Variants in SFMBT2 observed in about 807,000 individuals in gnomAD.
The protein encoded by SFMBT2 is Scm like with four mbt domains 2.
Under a neutral mutation model 110.1 loss-of-function variants are expected in SFMBT2, and 38 were observed. The ratio of observed to expected loss-of-function variants is 0.35; its 90% CI spans 0.27 to 0.45. The LOEUF (loss-of-function observed/expected upper bound fraction) is 0.45. Among genes scored for constraint, SFMBT2 ranks in the 20% least tolerant of loss-of-function variants. SFMBT2 has a pLI of 1.00. For synonymous variants in SFMBT2, 425 were observed against 425.4 expected, an observed-to-expected ratio of 1.00 and a Z score of 0.01; for missense variants, 1,011 against 1,094.9, an observed-to-expected ratio of 0.92 and a Z score of 1.08.
chr10:7,350,424 C>A (rs1351020589), intron 4 of SFMBT2, among the ~76,000 whole-genome samples: 3 of 152,196 alleles, frequency 2.0e-5, no homozygotes, highest in Admixed American at 1.3e-4. Flanking sequence ...AGCCACTCTT[C>A]CGGGCCAGCC....
chr10:7,234,497 G>A (rs1646006576), intron 9 of SFMBT2, among the ~76,000 whole-genome samples: 1 of 152,196 alleles, frequency 6.6e-6, no homozygotes, highest in Admixed American at 6.5e-5. Flanking sequence ...CCTGAAGAAT[G>A]AAGTGAATTT....
At chr10:7,213,824 A>G (rs1839439678) in intron 11 of SFMBT2, among the ~76,000 whole-genome samples, 1 of 152,040 alleles carries the variant, frequency 6.6e-6, no homozygotes, top group Non-Finnish European at 1.5e-5. Flanking sequence ...GTGTGATGCC[A>G]TGGGCATGGG....
intron 20 of SFMBT2, chr10:7,164,338 A>G: frequency 1.2e-6 from 1 of 820,118 alleles, no homozygotes; most frequent in South Asian, 5.5e-5. Context: ...GTGAGCTGTG[A>G]TCATACCACT....
chr10:7,385,949 C>T (rs760528806), intron 1 of SFMBT2, among the ~76,000 whole-genome samples: 1 of 151,936 alleles, frequency 6.6e-6, no homozygotes, highest in Non-Finnish European at 1.5e-5. Context: ...GCAGTGAGCC[C>T]AGATCGTGCC....
chr10:7,214,790 T>C, intron 11 of SFMBT2: 1 of 982,004 alleles, frequency 1.0e-6, no homozygotes, highest in Non-Finnish European at 1.2e-6. Flanking sequence ...TTATTTATTT[T>C]TCCCACCCAT....
At chr10:7,220,588 A>G in intron 10 of SFMBT2, 51 bp from the exon 11 acceptor site, 1 of 1,605,998 alleles carries the variant, frequency 6.2e-7, no homozygotes, top group Non-Finnish European at 8.5e-7. Context: ...CAGCAGGACA[A>G]AGCTGGGCAG....
intron 4 of SFMBT2, among the ~76,000 whole-genome samples, chr10:7,312,800 T>C (rs1178216825): frequency 1.3e-5 from 2 of 152,226 alleles, no homozygotes; most frequent in African/African-American, 2.4e-5. Flanking sequence ...CTTTAGTTAA[T>C]TATAAAGTGC....
intron 7 of SFMBT2, among the ~76,000 whole-genome samples, chr10:7,275,102 G>T (rs1841728476): frequency 1.3e-5 from 2 of 152,308 alleles, no homozygotes; most frequent in African/African-American, 4.8e-5. Context: ...GACCCGCACA[G>T]CTGTGAGGCC....
intron 15 of SFMBT2, among the ~76,000 whole-genome samples, chr10:7,193,483 C>T (rs991556748): frequency 3.9e-5 from 6 of 152,140 alleles, no homozygotes; most frequent in African/African-American, 1.4e-4. Flanking sequence ...GTGTGGAGTC[C>T]CTGTGAAGGC....
At chr10:7,191,768 C>A (rs914975526) in intron 15 of SFMBT2, among the ~76,000 whole-genome samples, 1 of 152,202 alleles carries the variant, frequency 6.6e-6, no homozygotes, top group East Asian at 1.9e-4. Flanking sequence ...GCAGATACAA[C>A]CATAACTGGC....
chr10:7,203,523 T>C (rs769074212), intron 12 of SFMBT2: 14 of 223,908 alleles, frequency 6.3e-5, no homozygotes, highest in African/African-American at 2.1e-4. Flanking sequence ...CTGTATATGA[T>C]TGTGCTCCAG....
chr10:7,391,935 C>A (rs1004719021), intron 1 of SFMBT2, among the ~76,000 whole-genome samples: 2 of 152,110 alleles, frequency 1.3e-5, no homozygotes, highest in Non-Finnish European at 2.9e-5. Flanking sequence ...TGAATAAGGT[C>A]ATGTATTTAC....
chr10:7,233,869 T>C (rs565535750), intron 9 of SFMBT2, among the ~76,000 whole-genome samples: 11 of 152,334 alleles, frequency 7.2e-5, no homozygotes, highest in African/African-American at 7.2e-5. Flanking sequence ...GGAGGCAAGA[T>C]TGCACAGACC....
At chr10:7,281,511 GC>G (rs1417442153) in intron 6 of SFMBT2, among the ~76,000 whole-genome samples, 2 of 152,076 alleles carry the variant, frequency 1.3e-5, no homozygotes, top group African/African-American at 4.8e-5. Flanking sequence ...TTTTATTCTC[GC>G]CTAGATTCCA....
chr10:7,189,379 T>C (rs924556778), intron 15 of SFMBT2, among the ~76,000 whole-genome samples: 1 of 151,900 alleles, frequency 6.6e-6, no homozygotes, highest in Non-Finnish European at 1.5e-5. Context: ...GTGTCTACCA[T>C]GGGGCTCAGA....
chr10:7,226,030 C>T (rs962883657), intron 10 of SFMBT2, among the ~76,000 whole-genome samples: 12 of 152,162 alleles, frequency 7.9e-5, no homozygotes, highest in Non-Finnish European at 1.5e-4. Flanking sequence ...GGCCCTGTCA[C>T]CTAAACACAC....
At chr10:7,249,889 A>G (rs1432894035) in intron 7 of SFMBT2, among the ~76,000 whole-genome samples, 1 of 152,212 alleles carries the variant, frequency 6.6e-6, no homozygotes, top group East Asian at 1.9e-4. Flanking sequence ...TGGGGGATGC[A>G]TGATGAATGC....
chr10:7,385,805 C>G (rs1008923202), intron 1 of SFMBT2, among the ~76,000 whole-genome samples: 2 of 152,070 alleles, frequency 1.3e-5, no homozygotes, highest in East Asian at 1.9e-4. Context: ...CAAGACCATC[C>G]TGGCTAACAC....
At chr10:7,339,925 G>A (rs1321539322) in intron 4 of SFMBT2, among the ~76,000 whole-genome samples, 1 of 152,192 alleles carries the variant, frequency 6.6e-6, no homozygotes, top group Admixed American at 6.5e-5. Flanking sequence ...CTGGCCCAGA[G>A]GGTCAGCAGG....
Sources: allele counts gnomAD v4.1 joint callset (sites outside exome capture counted in the v4.1 genomes callset), GRCh38; gene constraint gnomAD v4.1.1; transcripts MANE v1.5; gene names NCBI Gene and HGNC (gene_info 2026-07-23, HGNC 2026-07-21).